The following SCN10A variants were observed in gnomAD, a reference collection of about 807,000 sequenced individuals.
The protein encoded by SCN10A is sodium channel protein type 10 subunit alpha.
A neutral mutation model predicts 170.7 loss-of-function variants in SCN10A; 162 were observed. The ratio of observed to expected loss-of-function variants is 0.95; its 90% CI spans 0.84 to 1.08. The LOEUF (loss-of-function observed/expected upper bound fraction) is 1.08, where lower values mean the gene tolerates loss of function less well. Among genes scored for constraint, SCN10A ranks in the 50% least tolerant of loss-of-function variants. The pLI is 0.00. For synonymous variants in SCN10A, 985 were observed against 904.6 expected, an observed-to-expected ratio of 1.09 and a Z score of -1.59; for missense variants, 2,527 against 2,436.9, an observed-to-expected ratio of 1.04 and a Z score of -0.78.
At chr3:38,715,615 C>T (rs973172480) in intron 21 of SCN10A, among the ~76,000 whole-genome samples, 5 of 152,170 alleles carry the variant, frequency 3.3e-5, no homozygotes, top group East Asian at 3.9e-4. Flanking sequence ...CCAGTCCTCT[C>T]GCAGCTCCTT....
chr3:38,766,877 C>T (rs1237826925), intron 5 of SCN10A, among the ~76,000 whole-genome samples: 1 of 151,914 alleles, frequency 6.6e-6, no homozygotes, highest in Non-Finnish European at 1.5e-5. Context: ...TTTTCCTTGG[C>T]AATTTTTGAA....
intron 4 of SCN10A, among the ~76,000 whole-genome samples, chr3:38,782,213 A>G (rs1387853493): frequency 6.6e-6 from 1 of 152,106 alleles, no homozygotes; most frequent in African/African-American, 2.4e-5. Flanking sequence ...CAGTAAGTGA[A>G]CATACTCTGC....
chr3:38,718,874 C>T, intron 20 of SCN10A, 48 bp from the exon 21 acceptor site: 1 of 1,581,734 alleles, frequency 6.3e-7, no homozygotes, highest in Non-Finnish European at 8.6e-7. Flanking sequence ...GGACCCACAG[C>T]ACTGGGGCCC....
chr3:38,737,823 TCTTTCTTTCTCTTTC>T (rs2063585178), intron 15 of SCN10A, among the ~76,000 whole-genome samples: 1 of 131,634 alleles, frequency 7.6e-6, no homozygotes, highest in African/African-American at 3.3e-5. Flanking sequence ...TTTCTTTCTT[TCTTTCTTTCTCTTTC>T]TTCTTTCTTT....
intron 13 of SCN10A, among the ~76,000 whole-genome samples, chr3:38,746,901 GTT>G (rs985203410): frequency 6.6e-6 from 1 of 152,162 alleles, no homozygotes; most frequent in Non-Finnish European, 1.5e-5. Context: ...AGCATAGAAG[GTT>G]CACATGCTTT....
rs1341205056 is a variant in SCN10A at position 38,707,811 on chromosome 3, G to C, written c.4282-428C>G. The stretch of plus-strand genomic sequence containing the variant: ...ACCTTGAAGCAAAGACTCTGGGAGG[G>C]ACAGAAGCCCTCAAATCTTTTCTGG... On this transcript the variant is annotated intron_variant, in intron 25 of 27. Transcript: ENST00000449082. Among the ~76,000 whole-genome samples, 3 of 152,172 alleles carry C rather than the reference G, an allele frequency of 2.0e-5. No individual in the cohort carries two copies. The East Asian group carries it at 5.8e-4, about 29-fold the overall frequency.
At chr3:38,766,861 G>T (rs1416102864) in intron 5 of SCN10A, among the ~76,000 whole-genome samples, 1 of 152,004 alleles carries the variant, frequency 6.6e-6, no homozygotes, top group Non-Finnish European at 1.5e-5. Flanking sequence ...TCTGCTCCTG[G>T]ACTTTTTTTC....
intron 1 of SCN10A, among the ~76,000 whole-genome samples, chr3:38,809,980 G>A (rs752246673): frequency 6.6e-6 from 1 of 152,134 alleles, no homozygotes; most frequent in East Asian, 1.9e-4. Flanking sequence ...GACTGTGTTT[G>A]TCACAATATG....
At chr3:38,755,683 T>G in intron 11 of SCN10A, 105 bp downstream of exon 11, 1 of 1,340,126 alleles carries the variant, frequency 7.5e-7, no homozygotes, top group South Asian at 1.3e-5. Flanking sequence ...TTAGGCTCTA[T>G]GCCTCCAGCT....
At chr3:38,710,957 C>T in intron 23 of SCN10A, 60 bp from the exon 24 acceptor site, 1 of 1,449,212 alleles carries the variant, frequency 6.9e-7, no homozygotes, top group Non-Finnish European at 9.6e-7. Context: ...TGGACCCTTC[C>T]CAAGCCATGG....
chr3:38,729,965 A>G lies in SCN10A; in HGVS notation c.2281-1064T>C, dbSNP rs142283415. On this transcript the variant is annotated intron_variant, in intron 15 of 27. Transcript: ENST00000449082. Reference sequence around the variant, plus strand: ...CGGGTCCACGTTCACCTTACACCCAATCTGGAAGTTACTCTCCTCATATGG... The same window carrying G: ...CGGGTCCACGTTCACCTTACACCCAGTCTGGAAGTTACTCTCCTCATATGG... 1.6e-4 allele frequency among the ~76,000 whole-genome samples: 25 copies of G among 152,312 alleles called. No homozygotes were observed. The East Asian group carries it at 4.4e-3, about 27-fold the overall frequency.
chr3:38,815,429 G>A (rs898286662), intron 1 of SCN10A, among the ~76,000 whole-genome samples: 2 of 152,186 alleles, frequency 1.3e-5, no homozygotes, highest in African/African-American at 2.4e-5. Flanking sequence ...GGGTCCAAGA[G>A]TCTGTGTTTC....
At chr3:38,704,779 T>C (rs958507148) in intron 26 of SCN10A, among the ~76,000 whole-genome samples, 5 of 152,214 alleles carry the variant, frequency 3.3e-5, no homozygotes, top group Non-Finnish European at 5.9e-5. Flanking sequence ...GTAAGCTCTG[T>C]CATGAAATGG....
At chr3:38,788,531 C>T (rs192543709) in intron 4 of SCN10A, among the ~76,000 whole-genome samples, 1 of 151,160 alleles carries the variant, frequency 6.6e-6, no homozygotes, top group Non-Finnish European at 1.5e-5. Flanking sequence ...GCTCCTGTCT[C>T]TCTTTCATAG....
Position 38,788,979 on chromosome 3 carries a change from T to C in SCN10A, c.447A>G (p.Arg149=). The change falls in exon 4 of 28, where the codon CGA becomes CGG. Residue 149 remains arginine (R), a synonymous_variant. Transcript: ENST00000449082. ...ACTCAATTTTCTCTGGAAGGTCAGT[T>C]CGGGTCATGCACACACAATTAACCA... ...TILVNCVCMT[R]TDLPEKIEYV... The C allele has an allele frequency of 6.2e-7, 1 of 1,609,574 alleles. No individual in the cohort carries two copies. Among genetic ancestry groups the C allele is most frequent in the Non-Finnish European group, 8.5e-7 (1 of 1,176,126 alleles).
At chr3:38,733,244 A>C (rs1253346343) in intron 15 of SCN10A, among the ~76,000 whole-genome samples, 3 of 152,126 alleles carry the variant, frequency 2.0e-5, no homozygotes, top group Non-Finnish European at 2.9e-5. Flanking sequence ...CACAAGCAGG[A>C]GGCAAACTTT....
At chr3:38,709,026 G>T (rs2063241799) in intron 25 of SCN10A, among the ~76,000 whole-genome samples, 1 of 152,142 alleles carries the variant, frequency 6.6e-6, no homozygotes, top group South Asian at 2.1e-4. Context: ...ATCAGAGTCG[G>T]CACCCTTGGA....
chr3:38,718,873 G>A (rs138887070), intron 20 of SCN10A, 47 bp from the exon 21 acceptor site: 356 of 1,585,792 alleles, frequency 2.2e-4, no homozygotes, highest in Non-Finnish European at 2.8e-4. Flanking sequence ...TGGACCCACA[G>A]CACTGGGGCC....
At chr3:38,712,062 C>T (rs568526655) in intron 23 of SCN10A, 99 bp downstream of exon 23, 21 of 1,212,852 alleles carry the variant, frequency 1.7e-5, no homozygotes. Context: ...GAGTGCTACT[C>T]CTTGCAAAGT....
Sources: gnomAD v4.1 joint callset for allele counts (sites outside exome capture counted in the v4.1 genomes callset) on GRCh38, gnomAD v4.1.1 for gene constraint, MANE v1.5 for transcripts, NCBI Gene and HGNC (gene_info 2026-07-23, HGNC 2026-07-21) for gene names.